RNF220: variants seen among roughly 807,000 people sequenced by gnomAD.
RNF220 encodes E3 ubiquitin-protein ligase RNF220.
A neutral mutation model predicts 67.1 loss-of-function variants in RNF220; 7 were observed. The observed-to-expected ratio is 0.10, with a 90% confidence interval of 0.06 to 0.20. RNF220 has a LOEUF of 0.20. RNF220 is among the 10% of genes least tolerant of loss of function. The pLI, the probability that RNF220 is intolerant of heterozygous loss-of-function variation, is 1.00. For synonymous variants in RNF220, 270 were observed against 283.2 expected (o/e 0.95, Z 0.47); for missense variants, 565 against 740.3 (o/e 0.76, Z 2.75).
chr1:44,624,960 CT>C lies in RNF220; in HGVS notation c.805-1330del, dbSNP rs1643895765. On this transcript the variant is annotated intron_variant, in intron 4 of 14. Coordinates refer to ENST00000361799, the MANE Select transcript of RNF220 (RefSeq NM_018150.4). The surrounding 1 kb of genome is among the most constrained non-coding windows in gnomAD (Gnocchi z 4.2). The stretch of plus-strand genomic sequence containing the variant: ...TCCATGTTTAAAAAGCACCAGTGAC[CT>C]TTTTTTATTCCGCTTGCCCCAGGTG... 1.3e-5 allele frequency among the ~76,000 whole-genome samples: 2 copies of C among 151,646 alleles called. No individual in the cohort carries two copies. Among genetic ancestry groups the C allele is most frequent in the Non-Finnish European group, 2.9e-5 (2 of 67,928 alleles).
intron 2 of RNF220, among the ~76,000 whole-genome samples, chr1:44,593,695 G>T (rs1474364010): frequency 3.9e-5 from 6 of 152,090 alleles, no homozygotes; most frequent in African/African-American, 1.4e-4. Context: ...ACCAGCCTGG[G>T]TGACAGAGTG....
intron 2 of RNF220, among the ~76,000 whole-genome samples, chr1:44,488,208 T>C (rs937729889): frequency 6.6e-6 from 1 of 150,622 alleles, no homozygotes; most frequent in Non-Finnish European, 1.5e-5. Flanking sequence ...CGATCTCGGC[T>C]CACTGCAACC....
chr1:44,414,664 T>G (rs901756479), intron 2 of RNF220, among the ~76,000 whole-genome samples: 2 of 152,158 alleles, frequency 1.3e-5, no homozygotes, highest in African/African-American at 4.8e-5. Context: ...GGAGAAAAAT[T>G]AAATGAGTCT....
rs5773845 is a variant in RNF220 at position 44,612,762 on chromosome 1, C to CAA, written c.626-1394_626-1393dup. Among the ~76,000 whole-genome samples the CAA allele has an allele frequency of 9.1e-3, 1,372 of 150,562 alleles. 12 individuals carry two copies. The highest frequency in any genetic ancestry group is 0.014 in the Middle Eastern group (4 of 294). On this transcript the variant is annotated intron_variant, in intron 2 of 14. Transcript: ENST00000361799. ...GTGTAGTACTTGGGACATGCTTATACAAAAAAAAAATTTATTATCTGAAAT... is the reference window on the plus strand; with the variant it reads ...GTGTAGTACTTGGGACATGCTTATACAAAAAAAAAAAATTTATTATCTGAAAT...
chr1:44,498,374 A>G (rs1657534817), intron 2 of RNF220, among the ~76,000 whole-genome samples: 1 of 152,060 alleles, frequency 6.6e-6, no homozygotes. Context: ...TTCAGTCACT[A>G]CACAAGCTCC....
chr1:44,541,309 T>A (rs12121828), intron 2 of RNF220, among the ~76,000 whole-genome samples: 12,998 of 152,164 alleles, frequency 0.085, 988 homozygotes, highest in African/African-American at 0.2. Flanking sequence ...ACACCTGTAG[T>A]CCCAGCTACT....
intron 2 of RNF220, among the ~76,000 whole-genome samples, chr1:44,437,026 C>T (rs995835468): frequency 3.9e-4 from 59 of 152,318 alleles, no homozygotes; most frequent in Non-Finnish European, 6.6e-4. Flanking sequence ...ATAGGTCATT[C>T]CTTTGAAAAA....
At chr1:44,435,416 GGTAA>G (rs1650862684) in intron 2 of RNF220, among the ~76,000 whole-genome samples, 1 of 152,168 alleles carries the variant, frequency 6.6e-6, no homozygotes, top group African/African-American at 2.4e-5. Context: ...CCTGATTTAT[GGTAA>G]GCCACTCAAT....
At chr1:44,498,569 T>C (rs1572686526) in intron 2 of RNF220, among the ~76,000 whole-genome samples, 1 of 152,112 alleles carries the variant, frequency 6.6e-6, no homozygotes, top group Non-Finnish European at 1.5e-5. Context: ...ACTGGGAGTT[T>C]TCATTTTCCT....
At chr1:44,488,738 T>C (rs1199795208) in intron 2 of RNF220, among the ~76,000 whole-genome samples, 2 of 144,114 alleles carry the variant, frequency 1.4e-5, no homozygotes, top group Non-Finnish European at 3.0e-5. Context: ...TTTTTTTTTT[T>C]TTTTTTTTTT....
In RNF220 at chr1:44,412,377, C is replaced by T; in HGVS notation, c.280C>T (p.His94Tyr). 2 of 1,613,994 alleles carry T rather than the reference C, an allele frequency of 1.2e-6. No individual in the cohort carries two copies. The highest frequency in any genetic ancestry group is 1.7e-6 in the Non-Finnish European group (2 of 1,179,878). ...ANRDFPPSLL[H>Y]LHPQFAPPNL... The stretch of plus-strand genomic sequence containing the variant: ...TCGTGATTTCCCCCCTTCTCTACTA[C>T]ACCTCCACCCTCAATTTGCTCCCCC... The change falls in exon 2 of 15, where the codon CAC becomes TAC. Residue 94 changes from histidine to tyrosine, a missense_variant. By Grantham distance (83) the His-to-Tyr change is moderately conservative. Coordinates refer to ENST00000361799, the MANE Select transcript of RNF220 (RefSeq NM_018150.4). The surrounding 1 kb of genome is among the most constrained non-coding windows in gnomAD (Gnocchi z 5.3).
chr1:44,609,239 T>C (rs17383136), intron 2 of RNF220, among the ~76,000 whole-genome samples: 38,433 of 152,028 alleles, frequency 0.25, 5,177 homozygotes, highest in Non-Finnish European at 0.3. Context: ...CATGGCCATC[T>C]GTCATTACAG....
intron 2 of RNF220, among the ~76,000 whole-genome samples, chr1:44,526,109 C>A (rs1345456536): frequency 2.0e-5 from 3 of 152,176 alleles, no homozygotes; most frequent in African/African-American, 7.2e-5. Flanking sequence ...TCTGTCCCAC[C>A]TGTTTGCCTA....
intron 2 of RNF220, among the ~76,000 whole-genome samples, chr1:44,578,554 C>A (rs937593446): frequency 1.3e-5 from 2 of 152,174 alleles, no homozygotes; most frequent in Non-Finnish European, 2.9e-5. Flanking sequence ...GTGCTATGGG[C>A]CCCCATGCAT....
At chr1:44,582,374 G>T (rs1011886538) in intron 2 of RNF220, among the ~76,000 whole-genome samples, 4 of 152,124 alleles carry the variant, frequency 2.6e-5, no homozygotes, top group Middle Eastern at 3.2e-3. Context: ...GGAAAAGAAG[G>T]GCCCTCCAGC....
chr1:44,604,080 A>G (rs1252330273), intron 2 of RNF220, among the ~76,000 whole-genome samples: 3 of 152,260 alleles, frequency 2.0e-5, no homozygotes, highest in African/African-American at 4.8e-5. Flanking sequence ...ATGGCAAGGA[A>G]GGCATGAGAG....
intron 2 of RNF220, among the ~76,000 whole-genome samples, chr1:44,511,300 C>T (rs1658971612): frequency 1.3e-5 from 2 of 151,974 alleles, no homozygotes; most frequent in South Asian, 2.1e-4. Context: ...CCCGGGCCTG[C>T]GGGCAAGAAG....
Position 44,645,599 on chromosome 1 carries a change from C to A in RNF220, c.1445+111C>A. On this transcript the variant is annotated intron_variant, in intron 12 of 14. Coordinates refer to ENST00000361799, the MANE Select transcript of RNF220 (RefSeq NM_018150.4). The surrounding 1 kb of genome is among the most constrained non-coding windows in gnomAD (Gnocchi z 5.0). Reference sequence around the variant, plus strand: ...GCTTCTGGCCCTCCCAAGTGCAGCTCAGTGCTGCTGCCCTGGGCACACGGC... The same window carrying A: ...GCTTCTGGCCCTCCCAAGTGCAGCTAAGTGCTGCTGCCCTGGGCACACGGC... 9.3e-7 allele frequency: 1 copy of A among 1,074,000 alleles called. No individual in the cohort carries two copies. The highest frequency in any genetic ancestry group is 1.4e-6 in the Non-Finnish European group (1 of 720,616). The allele number at this position is 1,074,000 out of a possible 1,614,324, so 66.5% of individuals were successfully genotyped here.
chr1:44,595,597 A>G (rs1332560457), intron 2 of RNF220, among the ~76,000 whole-genome samples: 1 of 152,088 alleles, frequency 6.6e-6, no homozygotes, highest in Non-Finnish European at 1.5e-5. Flanking sequence ...CAGCCCTGGC[A>G]TTCTCTCCAG....
Sources: gnomAD v4.1 joint callset for allele counts (sites outside exome capture counted in the v4.1 genomes callset) on GRCh38, gnomAD v4.1.1 for gene constraint, Gnocchi (gnomAD v3.1) non-coding constraint, MANE v1.5 for transcripts, NCBI Gene and HGNC (gene_info 2026-07-23, HGNC 2026-07-21) for gene names.